Variants in KCNN3 observed in about 807,000 individuals in gnomAD.
KCNN3 encodes potassium calcium-activated channel subfamily N member 3, also known as small conductance calcium-activated potassium channel protein 3.
In KCNN3, 16 loss-of-function variants were observed where a neutral mutation model predicts 62.9. The observed-to-expected ratio is 0.25, with a 90% CI of 0.17 to 0.39. The LOEUF (loss-of-function observed/expected upper bound fraction) is 0.39, where lower values mean the gene tolerates loss of function less well. Among genes scored for constraint, KCNN3 ranks in the 10% least tolerant of loss-of-function variants. The pLI, the probability that KCNN3 is intolerant of heterozygous loss-of-function variation, is 1.00. For missense variants in KCNN3, 599 were observed against 949.4 expected, an observed-to-expected ratio of 0.63 and a Z score of 4.85; for synonymous variants, 370 against 389.2, an observed-to-expected ratio of 0.95 and a Z score of 0.58.
chr1:154,808,596 G>T (rs1240809867), intron 2 of KCNN3, among the ~76,000 whole-genome samples: 3 of 152,136 alleles, frequency 2.0e-5, no homozygotes, highest in African/African-American at 7.2e-5. Flanking sequence ...ACGGTGCCTG[G>T]CTCAGAACAG....
chr1:154,811,473 G>A (rs1196872684), intron 2 of KCNN3, among the ~76,000 whole-genome samples: 1 of 152,186 alleles, frequency 6.6e-6, no homozygotes, highest in Non-Finnish European at 1.5e-5. Flanking sequence ...AGTTTAAAAA[G>A]TGTTTTAAAT....
At chr1:154,714,795 T>C in intron 6 of KCNN3, 81 bp downstream of exon 6, 1 of 1,578,104 alleles carries the variant, frequency 6.3e-7, no homozygotes, top group Non-Finnish European at 8.7e-7. Context: ...ATGGATTTCT[T>C]CTGTGCTACT....
intron 1 of KCNN3, among the ~76,000 whole-genome samples, chr1:154,859,374 C>G (rs1448624279): frequency 6.6e-6 from 1 of 152,236 alleles, no homozygotes; most frequent in African/African-American, 2.4e-5. Context: ...TTGCTGGCAG[C>G]CCAGGAGCAC....
chr1:154,799,795 G>C (rs539597306), intron 2 of KCNN3, among the ~76,000 whole-genome samples: 7 of 152,330 alleles, frequency 4.6e-5, no homozygotes, highest in Non-Finnish European at 7.4e-5. Context: ...TCCCACAAGA[G>C]ATCTGGCAGC....
chr1:154,788,894 A>C (rs1247229624), intron 2 of KCNN3, among the ~76,000 whole-genome samples: 1 of 152,186 alleles, frequency 6.6e-6, no homozygotes, highest in Non-Finnish European at 1.5e-5. Flanking sequence ...AGGCATGAAG[A>C]GATTAAGTGA....
chr1:154,718,706 T>C (rs1264014595), intron 5 of KCNN3, among the ~76,000 whole-genome samples: 4 of 152,212 alleles, frequency 2.6e-5, no homozygotes, highest in Non-Finnish European at 5.9e-5. Flanking sequence ...GTTTGTATGA[T>C]AGCATCAGGT....
At chr1:154,726,315 G>A (rs536893769) in intron 4 of KCNN3, among the ~76,000 whole-genome samples, 4 of 152,272 alleles carry the variant, frequency 2.6e-5, no homozygotes, top group Non-Finnish European at 5.9e-5. Flanking sequence ...GGGTGGCGCC[G>A]AGGCTTTGGG....
intron 2 of KCNN3, among the ~76,000 whole-genome samples, chr1:154,784,155 C>T (rs1422024622): frequency 6.6e-6 from 1 of 152,270 alleles, no homozygotes; most frequent in East Asian, 1.9e-4. Flanking sequence ...TGACCCCGGC[C>T]AATCCTTGGG....
chr1:154,703,844 A>C lies in KCNN3; in HGVS notation c.*4132T>G, dbSNP rs184187248. 22 of 152,344 alleles carry C rather than the reference A, an allele frequency of 1.4e-4. No individual in the cohort carries two copies. Among genetic ancestry groups the C allele is most frequent in the African/African-American group, 4.8e-4 (20 of 41,576 alleles). 9.4% of individuals were successfully genotyped at this position (152,344 alleles called of 1,614,324 possible). A position where few individuals can be genotyped will look rare whatever the true frequency, so the allele number is the denominator to read the frequency against. ...GTCAGTCTGGGCTGCTGTTGATGAC[A>C]AAGGTGATTTCATTTGTTCTCTATT... On this transcript the variant is annotated 3_prime_UTR_variant, in exon 8 of 8. Coordinates refer to ENST00000271915, the MANE Select transcript of KCNN3 (RefSeq NM_002249.6).
In KCNN3 at chr1:154,714,922, C is replaced by T. The variant is rs1213266406; in HGVS notation, c.1783G>A (p.Ala595Thr). The T allele has an allele frequency of 3.1e-6, 5 of 1,613,606 alleles. No individual in the cohort carries two copies. The highest frequency in any genetic ancestry group is 3.3e-5 in the Admixed American group (2 of 59,972). The part of the protein sequence containing the change: ...HTKLLKKIDH[A>T]KVRKHQRKFL... ...TTCCTCTGGTGTTTCCTCACTTTGG[C>T]ATGGTCAATCTTCTTTAGCAGCTTT... Residue 595 changes from alanine (A) to threonine (T), a missense_variant, in exon 6 of 8, where the codon GCC becomes ACC. Ala to Thr is a moderately conservative substitution (Grantham distance 58, BLOSUM62 0). This residue lies in a region of KCNN3 where 288 missense variants were observed against 557.4 expected (regional missense o/e 0.52). Coordinates refer to ENST00000271915, the MANE Select transcript of KCNN3 (RefSeq NM_002249.6).
intron 7 of KCNN3, among the ~76,000 whole-genome samples, chr1:154,709,281 A>T (rs1414531170): frequency 6.6e-6 from 1 of 152,190 alleles, no homozygotes; most frequent in Non-Finnish European, 1.5e-5. Flanking sequence ...ATTCACAAGC[A>T]TCTTCAGCCT....
chr1:154,788,918 A>T (rs1259844261), intron 2 of KCNN3, among the ~76,000 whole-genome samples: 1 of 152,216 alleles, frequency 6.6e-6, no homozygotes, highest in African/African-American at 2.4e-5. Context: ...GCCCAAGGTC[A>T]CACAGCTGGT....
At chr1:154,859,117 C>T (rs1558010675) in intron 1 of KCNN3, among the ~76,000 whole-genome samples, 1 of 152,252 alleles carries the variant, frequency 6.6e-6, no homozygotes, top group South Asian at 2.1e-4. Flanking sequence ...TACCCCAAGC[C>T]CTCACCTTGG....
rs562339589 is a variant in KCNN3 at position 154,857,634 on chromosome 1, C to T, written c.933+11398G>A. 1.9e-4 allele frequency among the ~76,000 whole-genome samples: 29 copies of T among 152,298 alleles called. No individual in the cohort carries two copies. In the South Asian group the frequency reaches 3.7e-3, roughly 20 times the overall value. The stretch of plus-strand genomic sequence containing the variant: ...GCATGTCTGCTGCACAATGTGAGGG[C>T]GTCGGAGACACTCCCCTGTGTGCAA... On this transcript the variant is annotated intron_variant, in intron 1 of 7. Coordinates refer to ENST00000271915, the MANE Select transcript of KCNN3 (RefSeq NM_002249.6).
intron 3 of KCNN3, chr1:154,737,087 G>A (rs1439335563): frequency 1.4e-6 from 1 of 701,990 alleles, no homozygotes; most frequent in African/African-American, 1.7e-5. Context: ...GGTGATTCAG[G>A]ACTGTGGGAG....
At chr1:154,857,137 A>G (rs568703812) in intron 1 of KCNN3, among the ~76,000 whole-genome samples, 1 of 152,312 alleles carries the variant, frequency 6.6e-6, no homozygotes, top group African/African-American at 2.4e-5. Flanking sequence ...CACGCCAGGC[A>G]GTGCCCTTGT....
intron 5 of KCNN3, among the ~76,000 whole-genome samples, chr1:154,721,671 G>C (rs1449171349): frequency 6.6e-6 from 1 of 151,998 alleles, no homozygotes; most frequent in East Asian, 1.9e-4. Flanking sequence ...ATGGAGGTGA[G>C]GACCACCTCT....
intron 3 of KCNN3, among the ~76,000 whole-genome samples, chr1:154,738,547 G>A (rs903261585): frequency 6.6e-6 from 1 of 152,188 alleles, no homozygotes; most frequent in South Asian, 2.1e-4. Flanking sequence ...GGAAGACAAG[G>A]AATAAAGGTA....
chr1:154,822,962 T>A lies in KCNN3; in HGVS notation c.934-778A>T, dbSNP rs572650690. ...CTGGGTCCCAGCCCTGCGACAGCCA[T>A]TTAGGGCTACCTGACCTTGGAACGC... is the stretch of plus-strand genomic sequence containing the variant. On this transcript the variant is annotated intron_variant, in intron 1 of 7. Coordinates refer to ENST00000271915, the MANE Select transcript of KCNN3 (RefSeq NM_002249.6). Among the ~76,000 whole-genome samples the A allele has an allele frequency of 1.2e-3, 185 of 152,252 alleles. 8 individuals are homozygous for A. In the South Asian group the frequency reaches 0.038, roughly 31 times the overall value.
Sources: allele counts gnomAD v4.1 joint callset (sites outside exome capture counted in the v4.1 genomes callset), GRCh38; gene constraint gnomAD v4.1.1; regional missense constraint gnomAD v4.1.1; transcripts MANE v1.5; gene names NCBI Gene and HGNC (gene_info 2026-07-23, HGNC 2026-07-21).